ERBIN: variants seen among roughly 807,000 people sequenced by gnomAD.
ERBIN encodes densin-180-like protein.
Under a neutral mutation model 158.4 loss-of-function variants are expected in ERBIN, and 60 were observed. The ratio of observed to expected loss-of-function variants is 0.38; its 90% CI spans 0.31 to 0.47. ERBIN has a LOEUF of 0.47. Ranked by LOEUF, ERBIN falls within the 20% of genes least tolerant of loss-of-function variation. The pLI, the probability that ERBIN is intolerant of heterozygous loss-of-function variation, is 0.99. For synonymous variants in ERBIN, 594 were observed against 557.2 expected (o/e 1.07, Z -0.93); for missense variants, 1,610 against 1,648.0 (o/e 0.98, Z 0.40).
intron 1 of ERBIN, among the ~76,000 whole-genome samples, chr5:65,976,231 T>C (rs559973172): frequency 6.6e-6 from 1 of 152,314 alleles, no homozygotes; most frequent in African/African-American, 2.4e-5. Context: ...CCCAGCACTT[T>C]GGGAAGCTGA....
At chr5:66,000,185 T>C (rs1463444279) in intron 4 of ERBIN, among the ~76,000 whole-genome samples, 6 of 151,908 alleles carry the variant, frequency 3.9e-5, no homozygotes, top group African/African-American at 1.5e-4. Flanking sequence ...ATTGTATGTA[T>C]TGGGTAAACT....
chr5:66,048,697 A>G lies in ERBIN; in HGVS notation c.1819A>G (p.Met607Val). Residue 607 changes from methionine to valine, a missense_variant, in exon 19 of 26, where the codon ATG (methionine) becomes GTG (valine). Physicochemically the swap from Met to Val is conservative, Grantham distance 21. Coordinates refer to ENST00000284037, the MANE Select transcript of ERBIN (RefSeq NM_001253697.2). ...TGAAGAACTTTCTTCTGATGAAGAG[A>G]TGAAAATGGCGGAGATGCGACCACC... Reference protein sequence around the residue: ...ESEELSSDEEMKMAEMRPPLI... With the variant: ...ESEELSSDEEVKMAEMRPPLI... The G allele has an allele frequency of 6.2e-7, 1 of 1,608,968 alleles. No homozygotes were observed. Among genetic ancestry groups the G allele is most frequent in the Non-Finnish European group, 8.5e-7 (1 of 1,177,572 alleles).
intron 1 of ERBIN, among the ~76,000 whole-genome samples, chr5:65,940,358 C>T (rs1419547183): frequency 6.7e-6 from 1 of 148,676 alleles, no homozygotes; most frequent in East Asian, 2.0e-4. Flanking sequence ...CGGCAGCCAC[C>T]CCGTCTGGGA....
chr5:65,933,866 C>G (rs1743749564), intron 1 of ERBIN, among the ~76,000 whole-genome samples: 1 of 152,076 alleles, frequency 6.6e-6, no homozygotes, highest in Non-Finnish European at 1.5e-5. Flanking sequence ...AACCATTTGA[C>G]TAAGTTGCTA....
chr5:66,036,743 A>G (rs1757436547), intron 14 of ERBIN, among the ~76,000 whole-genome samples: 1 of 152,226 alleles, frequency 6.6e-6, no homozygotes, highest in Non-Finnish European at 1.5e-5. Flanking sequence ...CTCTTAGGAA[A>G]TATTCATTGA....
chr5:66,046,278 C>T (rs1758430694), intron 17 of ERBIN, 75 bp from the exon 18 acceptor site: 1 of 945,950 alleles, frequency 1.1e-6, no homozygotes, highest in East Asian at 2.7e-5. Context: ...AAATTGCTTA[C>T]AAATTTTTAT....
chr5:66,068,944 G>A, intron 21 of ERBIN: 1 of 1,535,670 alleles, frequency 6.5e-7, no homozygotes, highest in Non-Finnish European at 8.7e-7. Context: ...GGCAGCTCTA[G>A]GGATCTGCAT....
intron 21 of ERBIN, among the ~76,000 whole-genome samples, chr5:66,060,836 T>C (rs1166326413): frequency 1.3e-5 from 2 of 152,334 alleles, no homozygotes; most frequent in East Asian, 1.9e-4. Flanking sequence ...GCAGTTTCGA[T>C]GTAGTTGAGC....
chr5:66,011,530 T>A, intron 4 of ERBIN, among the ~76,000 whole-genome samples: 1 of 151,958 alleles, frequency 6.6e-6, no homozygotes, highest in East Asian at 1.9e-4. Context: ...TCTACTGAAA[T>A]ACAAAAATTA....
intron 17 of ERBIN, 33 bp downstream of exon 17, chr5:66,044,343 AT>A (rs1343030730): frequency 1.3e-6 from 2 of 1,550,622 alleles, no homozygotes; most frequent in African/African-American, 1.4e-5. Context: ...ACCAAAGCCT[AT>A]TTCAAGTTCT....
intron 21 of ERBIN, among the ~76,000 whole-genome samples, chr5:66,057,467 T>G: frequency 6.6e-6 from 1 of 152,326 alleles, no homozygotes; most frequent in East Asian, 1.9e-4. Flanking sequence ...TAGGTTATTT[T>G]ATGATGGTAA....
At chr5:66,026,679 G>C (rs1043592277) in intron 13 of ERBIN, among the ~76,000 whole-genome samples, 12 of 151,882 alleles carry the variant, frequency 7.9e-5, no homozygotes, top group Admixed American at 5.9e-4. Context: ...TAAAAGTTTT[G>C]GTTTCCAAGA....
intron 4 of ERBIN, among the ~76,000 whole-genome samples, chr5:66,009,979 C>T (rs755509597): frequency 3.9e-5 from 6 of 152,168 alleles, no homozygotes; most frequent in African/African-American, 4.8e-5. Flanking sequence ...GTTAAAAATT[C>T]TGTGTTTAGC....
rs139533125 is a variant in ERBIN, at chr5:66,040,374, T to C, written c.1306+1892T>C. Among the ~76,000 whole-genome samples, 215 of 152,054 alleles carry C rather than the reference T, an allele frequency of 1.4e-3. 1 individual carries two copies. The highest frequency in any genetic ancestry group is 4.9e-3 in the African/African-American group (202 of 41,564). On this transcript the variant is annotated intron_variant, in intron 15 of 25. Transcript: ENST00000284037. ...CATTGAAATTTATTCCTTTCCTGTT[T>C]AATTTGAAAAGAGATCACAATTCAG...
intron 7 of ERBIN, among the ~76,000 whole-genome samples, chr5:66,018,277 T>G (rs1270786325): frequency 2.7e-5 from 4 of 149,070 alleles, no homozygotes; most frequent in African/African-American, 9.8e-5. Context: ...ATTGTCGTTT[T>G]AATTATCCTA....
intron 1 of ERBIN, among the ~76,000 whole-genome samples, chr5:65,954,923 G>C (rs1746917853): frequency 6.6e-6 from 1 of 151,972 alleles, no homozygotes; most frequent in African/African-American, 2.4e-5. Context: ...TAATTAGCCG[G>C]GCATGGTGGT....
chr5:66,023,008 T>G, intron 8 of ERBIN: 1 of 255,818 alleles, frequency 3.9e-6, no homozygotes, highest in Non-Finnish European at 7.3e-6. Flanking sequence ...GCCCCTGTTG[T>G]GTAATCCAAA....
chr5:65,965,379 GTTGTTTTTTTTTTTTTTTT>G (rs1748459468), intron 1 of ERBIN, among the ~76,000 whole-genome samples: 11 of 103,668 alleles, frequency 1.1e-4, no homozygotes, highest in African/African-American at 4.1e-4. Flanking sequence ...TTTGTTTTTT[GTTGTTTTTTTTTTTTTTTT>G]TTTTTTTTTT....
At chr5:65,943,001 C>T (rs79252393) in intron 1 of ERBIN, among the ~76,000 whole-genome samples, 2,202 of 152,220 alleles carry the variant, frequency 0.014, 53 homozygotes, top group Non-Finnish European at 0.021. Context: ...CCCAAACCCT[C>T]CTTCTCCATT....
Sources: gnomAD v4.1 joint callset for allele counts (sites outside exome capture counted in the v4.1 genomes callset) on GRCh38, gnomAD v4.1.1 for gene constraint, MANE v1.5 for transcripts, NCBI Gene and HGNC (gene_info 2026-07-23, HGNC 2026-07-21) for gene names.